MGAT2: variants seen among roughly 807,000 people sequenced by gnomAD.
The protein encoded by MGAT2 is Beta-1,2-N-acetylglucosaminyltransferase II.
A neutral mutation model predicts 33.8 loss-of-function variants in MGAT2; 17 were observed. The observed-to-expected ratio is 0.50, with a 90% CI of 0.34 to 0.76. MGAT2 has a LOEUF of 0.76. Among genes scored for constraint, MGAT2 ranks in the 30% least tolerant of loss-of-function variants. The probability of loss-of-function intolerance (pLI) is 0.01; values close to 1 mark genes in which losing one functional copy is unlikely to be tolerated. For synonymous variants in MGAT2, 248 were observed against 226.7 expected (o/e 1.09, Z -0.84); for missense variants, 529 against 553.9 (o/e 0.96, Z 0.45).
At position 49,620,871 on chromosome 14, in the gene MGAT2, G is replaced by A. The variant is rs1206529361; in HGVS notation, c.-398G>A. 8 of 687,078 alleles carry A rather than the reference G, an allele frequency of 1.2e-5. No homozygotes were observed. The highest frequency in any genetic ancestry group is 2.1e-5 in the Non-Finnish European group (8 of 377,936). 42.6% of individuals were successfully genotyped at this position (687,078 alleles called of 1,614,324 possible). A position where few individuals can be genotyped will look rare whatever the true frequency, so the allele number is the denominator to read the frequency against. On this transcript the variant is annotated 5_prime_UTR_variant, in exon 1 of 1. Coordinates refer to ENST00000305386, the MANE Select transcript of MGAT2 (RefSeq NM_002408.4). ...GCGTCGCTCAGTTCTGGCCGTCTAG[G>A]GCCCCTGTAAGGATGAGAGCGCAGA...
chr14:49,622,764 G>T lies in MGAT2; in HGVS notation c.*152G>T, dbSNP rs1346013213. ...TCCAAATACATAGTAATCTTTTCCA[G>T]TTATGTCTGATTAAGATTTAAAACT... On this transcript the variant is annotated 3_prime_UTR_variant, in exon 1 of 1. Coordinates refer to ENST00000305386, the MANE Select transcript of MGAT2 (RefSeq NM_002408.4). 1.0e-5 allele frequency: 7 copies of T among 693,962 alleles called. No individual in the cohort carries two copies. In the Admixed American group the frequency reaches 1.8e-4, roughly 18 times the overall value. 43.0% of individuals were successfully genotyped at this position (693,962 alleles called of 1,614,324 possible).
chr14:49,623,237 G>A lies in MGAT2; in HGVS notation c.*625G>A. 1 of 164,032 alleles carries A rather than the reference G, an allele frequency of 6.1e-6. No individual in the cohort carries two copies. The allele number at this position is 164,032 out of a possible 1,614,324, so 10.2% of individuals were successfully genotyped here. ...TGATTGATAAGAAAGTTTAAACATT[G>A]TTTTCACCTCAATGTAGAAATACAG... On this transcript the variant is annotated 3_prime_UTR_variant, in exon 1 of 1. Transcript: ENST00000305386.
chr14:49,621,991 G>T lies in MGAT2; in HGVS notation c.723G>T (p.Val241=). 6.2e-7 allele frequency: 1 copy of T among 1,614,208 alleles called. No homozygotes were observed. Among genetic ancestry groups the T allele is most frequent in the Non-Finnish European group, 8.5e-7 (1 of 1,180,038 alleles). The change falls in exon 1 of 1, where the codon GTG becomes GTT. Residue 241 remains valine (V), a synonymous_variant. Coordinates refer to ENST00000305386, the MANE Select transcript of MGAT2 (RefSeq NM_002408.4). This position sits in a 1 kb window ranked among gnomAD's most constrained non-coding sequence, Gnocchi z 4.6. The part of the protein sequence containing the change: ...KHHWWWKLHF[V]WERVKILRDY... ...ACTGGTGGTGGAAGCTGCATTTTGT[G>T]TGGGAAAGAGTGAAAATTCTTCGAG...
In MGAT2 at chr14:49,623,234, A is replaced by G. The variant is rs1210868007; in HGVS notation, c.*622A>G. 1 of 164,330 alleles carries G rather than the reference A, an allele frequency of 6.1e-6. No individual in the cohort carries two copies. The highest frequency in any genetic ancestry group is 1.5e-5 in the Non-Finnish European group (1 of 67,656). 10.2% of individuals were successfully genotyped at this position (164,330 alleles called of 1,614,324 possible). ...ATTTGATTGATAAGAAAGTTTAAAC[A>G]TTGTTTTCACCTCAATGTAGAAATA... On this transcript the variant is annotated 3_prime_UTR_variant, in exon 1 of 1. Coordinates refer to ENST00000305386, the MANE Select transcript of MGAT2 (RefSeq NM_002408.4).
chr14:49,622,020 A>C lies in MGAT2; in HGVS notation c.752A>C (p.Tyr251Ser). 2 of 1,613,926 alleles carry C rather than the reference A, an allele frequency of 1.2e-6. No individual in the cohort carries two copies. Among genetic ancestry groups the C allele is most frequent in the Middle Eastern group, 3.3e-4 (2 of 6,062 alleles). ...GAAAGAGTGAAAATTCTTCGAGATT[A>C]TGCTGGCCTTATACTTTTCCTAGAA... ...VWERVKILRDYAGLILFLEED... is the reference protein window; with the variant it reads ...VWERVKILRDSAGLILFLEED... The change falls in exon 1 of 1, where the codon TAT becomes TCT. Residue 251 changes from tyrosine (Y) to serine (S), a missense_variant. Tyr to Ser is a moderately radical substitution (Grantham distance 144). Transcript: ENST00000305386.
Position 49,621,202 on chromosome 14 carries a change from C to G in MGAT2, c.-67C>G. ...CAAGGCGACGGCCGCCGCCCGCCCGCCCCTTCCGTGCAGAAGCAGCTGCTC... is the reference window on the plus strand; with the variant it reads ...CAAGGCGACGGCCGCCGCCCGCCCGGCCCTTCCGTGCAGAAGCAGCTGCTC... On this transcript the variant is annotated 5_prime_UTR_variant, in exon 1 of 1. Transcript: ENST00000305386. This position sits in a 1 kb window ranked among gnomAD's most constrained non-coding sequence, Gnocchi z 4.6. The G allele has an allele frequency of 6.2e-7, 1 of 1,604,412 alleles. No homozygotes were observed.
chr14:49,622,645 T>G lies in MGAT2; in HGVS notation c.*33T>G, dbSNP rs1411873987. ...AGTTACAAAAGCGACAGTCTTCTAT[T>G]TTTGATATTTGTCCAAACAGGACAT... is the stretch of plus-strand genomic sequence containing the variant. On this transcript the variant is annotated 3_prime_UTR_variant, in exon 1 of 1. Transcript: ENST00000305386. 2 of 1,583,392 alleles carry G rather than the reference T, an allele frequency of 1.3e-6. No homozygotes were observed. Among genetic ancestry groups the G allele is most frequent in the Non-Finnish European group, 1.7e-6 (2 of 1,170,350 alleles).
chr14:49,622,500 T>C lies in MGAT2; in HGVS notation c.1232T>C (p.Leu411Pro), dbSNP rs757572881. 1.9e-6 allele frequency: 3 copies of C among 1,603,782 alleles called. No individual in the cohort carries two copies. In the South Asian group the frequency reaches 3.3e-5, roughly 18 times the overall value. ...NNKQYMFPETLTISEKFTVVA... is the reference protein window; with the variant it reads ...NNKQYMFPETPTISEKFTVVA... ...AAACAATACATGTTTCCAGAAACTCTAACTATCAGTGAAAAGTTTACTGTG... is the reference window on the plus strand; with the variant it reads ...AAACAATACATGTTTCCAGAAACTCCAACTATCAGTGAAAAGTTTACTGTG... Residue 411 changes from leucine (L) to proline (P), a missense_variant, in exon 1 of 1, where the codon CTA becomes CCA. Leu to Pro is a moderately conservative substitution (Grantham distance 98). Coordinates refer to ENST00000305386, the MANE Select transcript of MGAT2 (RefSeq NM_002408.4).
At position 49,621,617 on chromosome 14, in the gene MGAT2, G is replaced by C. The variant is rs771450465; in HGVS notation, c.349G>C (p.Glu117Gln). ...VDKAGTWAPRELVLVVQVHNR... is the reference protein window; with the variant it reads ...VDKAGTWAPRQLVLVVQVHNR... The stretch of plus-strand genomic sequence containing the variant: ...TAAGGCTGGCACCTGGGCCCCCCGG[G>C]AGCTGGTGCTGGTGGTCCAGGTGCA... Residue 117 changes from glutamate to glutamine, a missense_variant, in exon 1 of 1, where the codon GAG becomes CAG. Around this residue, in one of 2 missense-constraint regions of MGAT2, gnomAD observed 501 missense variants for 501.1 expected, o/e 1.00. Coordinates refer to ENST00000305386, the MANE Select transcript of MGAT2 (RefSeq NM_002408.4). This position sits in a 1 kb window ranked among gnomAD's most constrained non-coding sequence, Gnocchi z 4.6. The C allele has an allele frequency of 3.1e-6, 5 of 1,614,004 alleles. No individual in the cohort carries two copies. The South Asian group carries it at 3.3e-5, about 11-fold the overall frequency.
chr14:49,621,926 G>T lies in MGAT2; in HGVS notation c.658G>T (p.Gly220Cys). 6.2e-7 allele frequency: 1 copy of T among 1,614,120 alleles called. No homozygotes were observed. The highest frequency in any genetic ancestry group is 1.1e-5 in the South Asian group (1 of 91,082). ...CINAEYPDSF[G>C]HYREAKFSQT... is the part of the protein sequence containing the mutation. ...CAATGCTGAGTATCCCGACTCCTTC[G>T]GCCATTATAGAGAGGCCAAATTCTC... is the stretch of plus-strand genomic sequence containing the variant. The change falls in exon 1 of 1, where the codon GGC becomes TGC. Residue 220 changes from glycine (G) to cysteine (C), a missense_variant. This residue lies in a region of MGAT2 where 501 missense variants were observed against 501.1 expected (regional missense o/e 1.00). Coordinates refer to ENST00000305386, the MANE Select transcript of MGAT2 (RefSeq NM_002408.4). This position sits in a 1 kb window ranked among gnomAD's most constrained non-coding sequence, Gnocchi z 4.6.
In MGAT2 at chr14:49,622,276, C is replaced by T. The variant is rs1323451117; in HGVS notation, c.1008C>T (p.Asp336=). 2 of 1,614,138 alleles carry T rather than the reference C, an allele frequency of 1.2e-6. No homozygotes were observed. The highest frequency in any genetic ancestry group is 1.1e-5 in the South Asian group (1 of 91,090). ...ATCAGAAGCTGATCGAGTGCACAGA[C>T]ACTTTCTGTACTTATGATGATTATA... The part of the protein sequence containing the change: ...NAYQKLIECT[D]TFCTYDDYNW... The change falls in exon 1 of 1, where the codon GAC becomes GAT. Residue 336 remains aspartate (D), a synonymous_variant. Coordinates refer to ENST00000305386, the MANE Select transcript of MGAT2 (RefSeq NM_002408.4).
Position 49,620,816 on chromosome 14 carries a change from T to C in MGAT2, c.-453T>C, listed in dbSNP as rs1882819234. On this transcript the variant is annotated 5_prime_UTR_variant, in exon 1 of 1. Transcript: ENST00000305386. ...GCCGCGGGGCAGTTGCGGGTTGTCA[T>C]AACGGTCCCCGCCGGAGTGAGGCGA... 5 of 606,222 alleles carry C rather than the reference T, an allele frequency of 8.2e-6. No homozygotes were observed. The highest frequency in any genetic ancestry group is 2.8e-5 in the East Asian group (1 of 35,190). 37.6% of individuals were successfully genotyped at this position (606,222 alleles called of 1,614,324 possible).
In MGAT2 at chr14:49,622,908, A is replaced by T. The variant is rs979976057; in HGVS notation, c.*296A>T. 4 of 228,320 alleles carry T rather than the reference A, an allele frequency of 1.8e-5. No homozygotes were observed. The highest frequency in any genetic ancestry group is 2.8e-5 in the Non-Finnish European group (3 of 107,802). The allele number at this position is 228,320 out of a possible 1,614,324, so 14.1% of individuals were successfully genotyped here. ...TTAAATTGCATTTATTAATCTTTTT[A>T]TCTGAAACTTTGTACACTTTTCCAC... On this transcript the variant is annotated 3_prime_UTR_variant, in exon 1 of 1. Coordinates refer to ENST00000305386, the MANE Select transcript of MGAT2 (RefSeq NM_002408.4).
rs1594598582 is a variant in MGAT2 at position 49,620,915 on chromosome 14, G to A, written c.-354G>A. On this transcript the variant is annotated 5_prime_UTR_variant, in exon 1 of 1. Transcript: ENST00000305386. ...GCGCAGAGGACGCAGGGCCGCTGGA[G>A]GCGCAGGTAACGAAGCTAGGGTGCG... 8.6e-6 allele frequency: 6 copies of A among 701,482 alleles called. No homozygotes were observed. In the East Asian group the frequency reaches 1.6e-4, roughly 19 times the overall value. 43.5% of individuals were successfully genotyped at this position (701,482 alleles called of 1,614,324 possible). A position where few individuals can be genotyped will look rare whatever the true frequency, so the allele number is the denominator to read the frequency against.
chr14:49,620,855 A>T lies in MGAT2; in HGVS notation c.-414A>T, dbSNP rs1882821098. 9.2e-6 allele frequency: 6 copies of T among 653,436 alleles called. No homozygotes were observed. Among genetic ancestry groups the T allele is most frequent in the Non-Finnish European group, 1.7e-5 (6 of 362,442 alleles). 40.5% of individuals were successfully genotyped at this position (653,436 alleles called of 1,614,324 possible). ...GGAGTGAGGCGAGGCCGCGTCGCTC[A>T]GTTCTGGCCGTCTAGGGCCCCTGTA... On this transcript the variant is annotated 5_prime_UTR_variant, in exon 1 of 1. Transcript: ENST00000305386.
rs1013985948 is a variant in MGAT2, at chr14:49,621,505, C to G, written c.237C>G (p.Val79=). The G allele has an allele frequency of 6.2e-7, 1 of 1,611,682 alleles. No homozygotes were observed. The highest frequency in any genetic ancestry group is 1.3e-5 in the African/African-American group (1 of 74,888). The stretch of plus-strand genomic sequence containing the variant: ...CGGCGGCTTCCCTGGTCCCGGCGGT[C>G]CCCCAGCCCGAGGCGGACAACCTGA... ...NVSAASLVPA[V]PQPEADNLTL... is the part of the protein sequence containing the mutation. Residue 79 remains valine, a synonymous_variant, in exon 1 of 1, where the codon GTC becomes GTG. Coordinates refer to ENST00000305386, the MANE Select transcript of MGAT2 (RefSeq NM_002408.4). This position sits in a 1 kb window ranked among gnomAD's most constrained non-coding sequence, Gnocchi z 4.6.
rs1882820773 is a variant in MGAT2 at position 49,620,845 on chromosome 14, C to G, written c.-424C>G. The G allele has an allele frequency of 1.6e-6, 1 of 636,602 alleles. No individual in the cohort carries two copies. The highest frequency in any genetic ancestry group is 2.8e-6 in the Non-Finnish European group (1 of 355,020). The allele number at this position is 636,602 out of a possible 1,614,324, so 39.4% of individuals were successfully genotyped here. A position where few individuals can be genotyped will look rare whatever the true frequency, so the allele number is the denominator to read the frequency against. On this transcript the variant is annotated 5_prime_UTR_variant, in exon 1 of 1. Transcript: ENST00000305386. ...GGTCCCCGCCGGAGTGAGGCGAGGC[C>G]GCGTCGCTCAGTTCTGGCCGTCTAG... is the stretch of plus-strand genomic sequence containing the variant.
Position 49,621,032 on chromosome 14 carries a change from C to G in MGAT2, c.-237C>G, listed in dbSNP as rs1052711475. The G allele has an allele frequency of 7.0e-6, 5 of 714,798 alleles. No individual in the cohort carries two copies. Among genetic ancestry groups the G allele is most frequent in the South Asian group, 1.5e-5 (1 of 67,804 alleles). The allele number at this position is 714,798 out of a possible 1,614,324, so 44.3% of individuals were successfully genotyped here. A position where few individuals can be genotyped will look rare whatever the true frequency, so the allele number is the denominator to read the frequency against. On this transcript the variant is annotated 5_prime_UTR_variant, in exon 1 of 1. Coordinates refer to ENST00000305386, the MANE Select transcript of MGAT2 (RefSeq NM_002408.4). The surrounding 1 kb of genome is among the most constrained non-coding windows in gnomAD (Gnocchi z 4.6). Reference sequence around the variant, plus strand: ...GAGCCGCGGCTCCTAGCGGCGGCGCCGATGCTCGAGCTGTAGCTGCCAGGC... The same window carrying G: ...GAGCCGCGGCTCCTAGCGGCGGCGCGGATGCTCGAGCTGTAGCTGCCAGGC...
In MGAT2 at chr14:49,620,902, C is replaced by T. The variant is rs1882822734; in HGVS notation, c.-367C>T. 1 of 700,382 alleles carries T rather than the reference C, an allele frequency of 1.4e-6. No individual in the cohort carries two copies. The highest frequency in any genetic ancestry group is 2.0e-5 in the Admixed American group (1 of 49,780). The allele number at this position is 700,382 out of a possible 1,614,324, so 43.4% of individuals were successfully genotyped here. On this transcript the variant is annotated 5_prime_UTR_variant, in exon 1 of 1. An upstream open reading frame in the 5' UTR gains an earlier in-frame stop. Coordinates refer to ENST00000305386, the MANE Select transcript of MGAT2 (RefSeq NM_002408.4). The stretch of plus-strand genomic sequence containing the variant: ...TGTAAGGATGAGAGCGCAGAGGACG[C>T]AGGGCCGCTGGAGGCGCAGGTAACG...
Sources: allele counts gnomAD v4.1 joint callset, GRCh38; gene constraint gnomAD v4.1.1; regional missense constraint gnomAD v4.1.1; non-coding constraint Gnocchi (gnomAD v3.1); transcripts MANE v1.5; gene names NCBI Gene and HGNC (gene_info 2026-07-23, HGNC 2026-07-21).